The following MACROD2 variants were observed in gnomAD, a reference collection of about 807,000 sequenced individuals.
The protein encoded by MACROD2 is mono-ADP ribosylhydrolase 2, also known as ADP-ribose glycohydrolase MACROD2.
MACROD2 carries 36 observed loss-of-function variants against 70.4 expected under a neutral mutation model. That is an observed-to-expected ratio of 0.51 (90% confidence interval 0.39 to 0.68). The LOEUF (loss-of-function observed/expected upper bound fraction) is 0.68, where lower values mean the gene tolerates loss of function less well. MACROD2 is among the 30% of genes least tolerant of loss of function. The pLI, the probability that MACROD2 is intolerant of heterozygous loss-of-function variation, is 0.00. For synonymous variants in MACROD2, 172 were observed against 178.8 expected, an observed-to-expected ratio of 0.96 and a Z score of 0.30; for missense variants, 496 against 538.4, an observed-to-expected ratio of 0.92 and a Z score of 0.78.
intron 3 of MACROD2, among the ~76,000 whole-genome samples, chr20:14,356,138 T>G (rs559430130): frequency 8.4e-4 from 128 of 152,342 alleles, no homozygotes; most frequent in African/African-American, 2.8e-3. Context: ...AATTAAGTTT[T>G]GGGTAAATTA....
chr20:14,737,749 T>G (rs1383807914), intron 5 of MACROD2, among the ~76,000 whole-genome samples: 1 of 152,050 alleles, frequency 6.6e-6, no homozygotes, highest in Non-Finnish European at 1.5e-5. Flanking sequence ...ACATAAATGT[T>G]TTCTTTGAGA....
chr20:14,425,167 G>A (rs1358681338), intron 3 of MACROD2, among the ~76,000 whole-genome samples: 1 of 152,148 alleles, frequency 6.6e-6, no homozygotes, highest in African/African-American at 2.4e-5. Context: ...TTCACCCAGT[G>A]TTAGCTTAAG....
chr20:14,720,034 C>T (rs772784268), intron 5 of MACROD2, among the ~76,000 whole-genome samples: 3 of 152,152 alleles, frequency 2.0e-5, no homozygotes, highest in Non-Finnish European at 4.4e-5. Context: ...GCTTTGTAGA[C>T]CACTTTCTTG....
Position 14,373,985 on chromosome 20 carries a change from A to G in MACROD2, c.272-119494A>G, listed in dbSNP as rs562615233. Reference sequence around the variant, plus strand: ...CTAAGAATCTTCTGTGTAAAAAGAGATAATTTTATCATCTTATCACTTTAT... The same window carrying G: ...CTAAGAATCTTCTGTGTAAAAAGAGGTAATTTTATCATCTTATCACTTTAT... On this transcript the variant is annotated intron_variant, in intron 3 of 17. Transcript: ENST00000684519. 4.9e-4 allele frequency among the ~76,000 whole-genome samples: 75 copies of G among 152,252 alleles called. 1 individual carries two copies. The highest frequency in any genetic ancestry group is 5.8e-4 in the East Asian group (3 of 5,180).
intron 13 of MACROD2, among the ~76,000 whole-genome samples, chr20:15,981,272 G>T (rs1483874916): frequency 6.6e-6 from 1 of 152,148 alleles, no homozygotes; most frequent in African/African-American, 2.4e-5. Flanking sequence ...TTACTGAATA[G>T]ATCTCTTTCT....
intron 5 of MACROD2, among the ~76,000 whole-genome samples, chr20:15,125,606 G>T (rs2076060709): frequency 2.0e-5 from 3 of 151,978 alleles, no homozygotes; most frequent in Admixed American, 6.6e-5. Flanking sequence ...ACCTTGAATG[G>T]ATCATTTTTA....
At chr20:14,565,722 A>G (rs1979754755) in intron 4 of MACROD2, among the ~76,000 whole-genome samples, 1 of 151,976 alleles carries the variant, frequency 6.6e-6, no homozygotes, top group South Asian at 2.1e-4. Context: ...AACATTTTAT[A>G]TGGTGTGTTG....
At chr20:15,334,772 C>T (rs1024810419) in intron 6 of MACROD2, among the ~76,000 whole-genome samples, 1 of 151,568 alleles carries the variant, frequency 6.6e-6, no homozygotes, top group Non-Finnish European at 1.5e-5. Flanking sequence ...GTTAAATTTA[C>T]ACAGCTAGTA....
chr20:15,578,792 A>G (rs1568905841), intron 8 of MACROD2, among the ~76,000 whole-genome samples: 1 of 152,186 alleles, frequency 6.6e-6, no homozygotes, highest in East Asian at 1.9e-4. Context: ...ATGCATCTTC[A>G]GGTACTTTAT....
At chr20:14,885,596 A>C (rs2073664648) in intron 5 of MACROD2, among the ~76,000 whole-genome samples, 1 of 152,144 alleles carries the variant, frequency 6.6e-6, no homozygotes, top group Non-Finnish European at 1.5e-5. Flanking sequence ...AGTAAAGTGC[A>C]AATTTGTTTG....
chr20:14,620,514 T>C (rs1482874486), intron 4 of MACROD2, among the ~76,000 whole-genome samples: 1 of 152,126 alleles, frequency 6.6e-6, no homozygotes, highest in African/African-American at 2.4e-5. Context: ...TTTATCTAGA[T>C]ATATATCTCC....
intron 2 of MACROD2, among the ~76,000 whole-genome samples, chr20:14,047,506 T>G (rs2053496885): frequency 6.6e-6 from 1 of 151,822 alleles, no homozygotes; most frequent in Admixed American, 6.6e-5. Context: ...CAAACTTAGG[T>G]TATTCCTGGG....
At chr20:14,093,201 C>T (rs1321936471) in intron 3 of MACROD2, among the ~76,000 whole-genome samples, 1 of 152,052 alleles carries the variant, frequency 6.6e-6, no homozygotes, top group East Asian at 1.9e-4. Flanking sequence ...CTGCCTCAGC[C>T]TCCCAAGTGC....
chr20:15,469,086 T>A (rs774170187), intron 7 of MACROD2, among the ~76,000 whole-genome samples: 2 of 152,196 alleles, frequency 1.3e-5, no homozygotes, highest in African/African-American at 4.8e-5. Context: ...CAACCACTGA[T>A]TGACAGCTAT....
chr20:14,325,000 T>C (rs1046156083), intron 3 of MACROD2: 2 of 152,626 alleles, frequency 1.3e-5, no homozygotes, highest in Non-Finnish European at 2.9e-5. Flanking sequence ...TGCCCATTAC[T>C]TCACACATTT....
intron 8 of MACROD2, among the ~76,000 whole-genome samples, chr20:15,521,223 A>G (rs1357746801): frequency 6.6e-6 from 1 of 152,174 alleles, no homozygotes; most frequent in Non-Finnish European, 1.5e-5. Context: ...TATAATTAAG[A>G]GTGGGTTGGT....
chr20:15,756,865 T>C (rs2051356265), intron 8 of MACROD2, among the ~76,000 whole-genome samples: 1 of 152,226 alleles, frequency 6.6e-6, no homozygotes, highest in South Asian at 2.1e-4. Context: ...TTAATCTGGC[T>C]CCTCCCTTTC....
At chr20:15,403,547 T>G (rs2045958866) in intron 6 of MACROD2, among the ~76,000 whole-genome samples, 1 of 152,184 alleles carries the variant, frequency 6.6e-6, no homozygotes, top group South Asian at 2.1e-4. Context: ...AATCTCAATT[T>G]TATTTGGGAT....
chr20:15,454,446 CA>C lies in MACROD2; in HGVS notation c.571+23012del, dbSNP rs1455102364. 3.0e-3 allele frequency among the ~76,000 whole-genome samples: 359 copies of C among 118,606 alleles called. 2 individuals carry two copies. The highest frequency in any genetic ancestry group is 0.011 in the African/African-American group (340 of 31,426). The allele number at this position is 118,606 out of a possible 152,430, so 77.8% of individuals were successfully genotyped here. A position where few individuals can be genotyped will look rare whatever the true frequency, so the allele number is the denominator to read the frequency against. The stretch of plus-strand genomic sequence containing the variant: ...ACACACACACACACACACACACACA[CA>C]CACACACCCTTATTATACAACTTAG... On this transcript the variant is annotated intron_variant, in intron 7 of 17. Transcript: ENST00000684519.
Sources: allele counts gnomAD v4.1 joint callset (sites outside exome capture counted in the v4.1 genomes callset), GRCh38; gene constraint gnomAD v4.1.1; transcripts MANE v1.5; gene names NCBI Gene and HGNC (gene_info 2026-07-23, HGNC 2026-07-21).